The following LONP2 variants were observed in gnomAD, a reference collection of about 807,000 sequenced individuals.
LONP2 encodes the protein lon peptidase 2, peroxisomal.
Under a neutral mutation model 85.6 loss-of-function variants are expected in LONP2, and 60 were observed. The ratio of observed to expected loss-of-function variants is 0.70; its 90% confidence interval spans 0.57 to 0.87. LONP2 has a LOEUF of 0.87. Among genes scored for constraint, LONP2 ranks in the 40% least tolerant of loss-of-function variants. The pLI, the probability that LONP2 is intolerant of heterozygous loss-of-function variation, is 0.00. For missense variants in LONP2, 860 were observed against 1,063.5 expected (o/e 0.81, Z 2.66); for synonymous variants, 395 against 389.7 (o/e 1.01, Z -0.16).
At chr16:48,307,201 G>A (rs1208336813) in intron 11 of LONP2, among the ~76,000 whole-genome samples, 1 of 152,172 alleles carries the variant, frequency 6.6e-6, no homozygotes, top group African/African-American at 2.4e-5. Context: ...AACATTTATG[G>A]TTTCAGTCAC....
At chr16:48,303,372 T>A in intron 11 of LONP2, 67 bp downstream of exon 11, 1 of 1,587,754 alleles carries the variant, frequency 6.3e-7, no homozygotes. Flanking sequence ...GAAGGTTGGG[T>A]ATGGAGGGGA....
chr16:48,286,625 C>T (rs1458595813), intron 8 of LONP2, among the ~76,000 whole-genome samples: 1 of 152,082 alleles, frequency 6.6e-6, no homozygotes, highest in Admixed American at 6.6e-5. Flanking sequence ...CCACCTCAGC[C>T]TCCCGAGTAG....
chr16:48,347,079 A>G (rs1398418400), intron 12 of LONP2, among the ~76,000 whole-genome samples: 3 of 152,160 alleles, frequency 2.0e-5, no homozygotes, highest in Non-Finnish European at 1.5e-5. Flanking sequence ...ACTTGAAGCC[A>G]GGAGGCAGAG....
At chr16:48,321,739 A>C (rs947412106) in intron 11 of LONP2, among the ~76,000 whole-genome samples, 3 of 152,206 alleles carry the variant, frequency 2.0e-5, no homozygotes, top group African/African-American at 7.2e-5. Flanking sequence ...CAACAGATGA[A>C]CAATAAAGAA....
intron 5 of LONP2, among the ~76,000 whole-genome samples, chr16:48,262,542 TCC>T (rs1971899642): frequency 6.6e-6 from 1 of 152,160 alleles, no homozygotes; most frequent in African/African-American, 2.4e-5. Context: ...GAAGAACCCC[TCC>T]CTGGTGGGAC....
intron 11 of LONP2, among the ~76,000 whole-genome samples, chr16:48,329,220 A>G (rs1037346206): frequency 2.0e-5 from 3 of 152,162 alleles, no homozygotes; most frequent in Admixed American, 6.5e-5. Flanking sequence ...CCATCGTCCA[A>G]AAATATTAAC....
chr16:48,295,879 TGTTA>T (rs1972657517), intron 8 of LONP2, 132 bp from the exon 9 acceptor site: 4 of 734,158 alleles, frequency 5.4e-6, no homozygotes, highest in South Asian at 1.7e-5. Context: ...AATGCTCAGA[TGTTA>T]GTTTTGTCTG....
rs202238195 is a variant in LONP2, at chr16:48,346,626, C to CA, written c.1939-873dup. On this transcript the variant is annotated intron_variant, in intron 12 of 14. Coordinates refer to ENST00000285737, the MANE Select transcript of LONP2 (RefSeq NM_031490.5). ...ATATAACCCTTCTCACTTTTCTTTT[C>CA]AAAAAAAATAAGAGGGTCTCACCAT... Among the ~76,000 whole-genome samples the CA allele has an allele frequency of 5.7e-4, 87 of 151,480 alleles. No homozygotes were observed. The Middle Eastern group carries it at 0.014, about 24-fold the overall frequency.
At chr16:48,326,269 C>G (rs889571764) in intron 11 of LONP2, among the ~76,000 whole-genome samples, 2 of 152,192 alleles carry the variant, frequency 1.3e-5, no homozygotes, top group Non-Finnish European at 2.9e-5. Context: ...ATCCCCATTT[C>G]TGGACCCTAT....
intron 8 of LONP2, among the ~76,000 whole-genome samples, chr16:48,284,609 T>C (rs1228281126): frequency 6.6e-6 from 1 of 152,220 alleles, no homozygotes; most frequent in African/African-American, 2.4e-5. Flanking sequence ...TTAAGGCATG[T>C]ACATTGTTTT....
At chr16:48,288,058 T>G (rs1329795871) in intron 8 of LONP2, among the ~76,000 whole-genome samples, 1 of 152,210 alleles carries the variant, frequency 6.6e-6, no homozygotes, top group Non-Finnish European at 1.5e-5. Flanking sequence ...TGAGTTGTAT[T>G]TTGAATCTCT....
downstream of LONP2, chr16:48,360,933 T>G (rs750673590): frequency 6.6e-6 from 1 of 152,152 alleles, no homozygotes; most frequent in Non-Finnish European, 1.5e-5. Context: ...ATATTTCTAA[T>G]GAACTGATTA....
intron 8 of LONP2, among the ~76,000 whole-genome samples, chr16:48,285,952 C>G (rs552085239): frequency 6.6e-6 from 1 of 152,070 alleles, no homozygotes; most frequent in East Asian, 1.9e-4. Context: ...GTTTCTTTCT[C>G]CCTCCCTCAG....
chr16:48,256,015 A>C (rs1567309357), intron 2 of LONP2, among the ~76,000 whole-genome samples: 1 of 152,208 alleles, frequency 6.6e-6, no homozygotes, highest in Non-Finnish European at 1.5e-5. Flanking sequence ...AACTATGCTA[A>C]ATTTCTAATA....
chr16:48,338,375 A>G (rs1959714389), intron 12 of LONP2, among the ~76,000 whole-genome samples: 1 of 152,196 alleles, frequency 6.6e-6, no homozygotes, highest in Admixed American at 6.5e-5. Flanking sequence ...GGTGGTACTG[A>G]GATAGACAGT....
chr16:48,330,120 T>A (rs1959392595), intron 11 of LONP2, among the ~76,000 whole-genome samples: 2 of 152,384 alleles, frequency 1.3e-5, no homozygotes, highest in African/African-American at 2.4e-5. Context: ...ACATTGACCT[T>A]TGTCATTTCT....
At chr16:48,360,646 C>T (rs751352801), downstream of LONP2, 4 of 152,504 alleles carry the variant, frequency 2.6e-5, no homozygotes, top group South Asian at 8.3e-4. Flanking sequence ...CTGTGCATGA[C>T]GATGCCTTCT....
rs1960032467 is a variant in LONP2 at position 48,348,291 on chromosome 16, G to GT, written c.2337+2dup. ...TACACTGAGAGGTCTTGTTCTTCCA[G>GT]TAAGTATGAAAAAACAATTTATATG... On this transcript the variant is annotated splice_donor_variant, in intron 14 of 14. Transcript: ENST00000285737. LOFTEE classifies it high-confidence loss of function. 6.9e-7 allele frequency: 1 copy of GT among 1,442,078 alleles called. No homozygotes were observed. Among genetic ancestry groups the GT allele is most frequent in the Non-Finnish European group, 9.2e-7 (1 of 1,092,834 alleles). The allele number at this position is 1,442,078 out of a possible 1,614,324, so 89.3% of individuals were successfully genotyped here.
chr16:48,258,551 C>T, intron 3 of LONP2, 67 bp from the exon 4 acceptor site: 3 of 1,490,028 alleles, frequency 2.0e-6, no homozygotes, highest in Non-Finnish European at 2.7e-6. Context: ...AACCATGGCT[C>T]TGACTGTCTG....
Sources: allele counts gnomAD v4.1 joint callset (sites outside exome capture counted in the v4.1 genomes callset), GRCh38; gene constraint gnomAD v4.1.1; transcripts MANE v1.5; gene names NCBI Gene and HGNC (gene_info 2026-07-23, HGNC 2026-07-21).